Variants in FOXN2 observed in about 807,000 individuals in gnomAD.
FOXN2 encodes the protein forkhead box protein N2.
In FOXN2, 19 loss-of-function variants were observed where a neutral mutation model predicts 41.2. The observed-to-expected ratio is 0.46, with a 90% CI of 0.32 to 0.68. The LOEUF (loss-of-function observed/expected upper bound fraction) is 0.68. FOXN2 is among the 30% of genes least tolerant of loss of function. FOXN2 has a pLI of 0.03. For synonymous variants in FOXN2, 195 were observed against 176.8 expected (o/e 1.10, Z -0.82); for missense variants, 587 against 509.4 (o/e 1.15, Z -1.47).
chr2:48,325,123 G>T (rs1178256232), intron 1 of FOXN2, among the ~76,000 whole-genome samples: 1 of 152,090 alleles, frequency 6.6e-6, no homozygotes, highest in Non-Finnish European at 1.5e-5. Flanking sequence ...TTTGTTTTTG[G>T]TCTTTTGTAC....
At chr2:48,315,050 G>A (rs978454063) in intron 1 of FOXN2, among the ~76,000 whole-genome samples, 1 of 152,074 alleles carries the variant, frequency 6.6e-6, no homozygotes, top group Admixed American at 6.5e-5. Flanking sequence ...CGAACTGAGG[G>A]GAGTGTGGCT....
At chr2:48,353,335 A>T (rs1448093812) in intron 3 of FOXN2, among the ~76,000 whole-genome samples, 3 of 152,132 alleles carry the variant, frequency 2.0e-5, no homozygotes, top group Non-Finnish European at 4.4e-5. Context: ...CATTTTCGTA[A>T]TTCACTTTCA....
intron 2 of FOXN2, among the ~76,000 whole-genome samples, chr2:48,334,069 A>G (rs1037174905): frequency 5.9e-5 from 9 of 151,992 alleles, no homozygotes; most frequent in Non-Finnish European, 1.0e-4. Flanking sequence ...TAACTTAAAT[A>G]TAGCAATTTG....
chr2:48,359,931 T>C (rs935705029), intron 4 of FOXN2, among the ~76,000 whole-genome samples: 9 of 152,106 alleles, frequency 5.9e-5, no homozygotes, highest in African/African-American at 2.2e-4. Flanking sequence ...CATATGTAGG[T>C]TTCTTTTTCT....
At chr2:48,368,755 C>T (rs1672695595) in intron 5 of FOXN2, among the ~76,000 whole-genome samples, 1 of 152,168 alleles carries the variant, frequency 6.6e-6, no homozygotes, top group South Asian at 2.1e-4. Flanking sequence ...AATTTCTACC[C>T]AGAGAATTTT....
intron 2 of FOXN2, among the ~76,000 whole-genome samples, chr2:48,342,903 A>T (rs1378487341): frequency 6.6e-6 from 1 of 152,208 alleles, no homozygotes; most frequent in South Asian, 2.1e-4. Context: ...ACTCTTTGGC[A>T]TATTTTGCTG....
Position 48,377,736 on chromosome 2 carries a change from T to G in FOXN2, c.*2293T>G, listed in dbSNP as rs760146027. The G allele has an allele frequency of 7.2e-5, 11 of 152,088 alleles. No individual in the cohort carries two copies. Among genetic ancestry groups the G allele is most frequent in the Non-Finnish European group, 1.6e-4 (11 of 67,922 alleles). The allele number at this position is 152,088 out of a possible 1,614,324, so 9.4% of individuals were successfully genotyped here. ...AGGTTACACAATATTTTACAGTTTC[T>G]TAAACATAATTTAATGCATCACCTT... On this transcript the variant is annotated 3_prime_UTR_variant, in exon 7 of 7. Transcript: ENST00000340553.
intron 1 of FOXN2, among the ~76,000 whole-genome samples, chr2:48,322,389 G>A (rs900892336): frequency 6.6e-6 from 1 of 152,054 alleles, no homozygotes; most frequent in Non-Finnish European, 1.5e-5. Context: ...GTGTAACCCT[G>A]TCCTTTAAAA....
intron 2 of FOXN2, among the ~76,000 whole-genome samples, chr2:48,336,371 G>T (rs1264258830): frequency 6.7e-6 from 1 of 149,636 alleles, no homozygotes. Flanking sequence ...TTGTGCCACT[G>T]CACTCCAGCC....
chr2:48,343,924 C>T (rs1309912805), intron 2 of FOXN2, among the ~76,000 whole-genome samples: 1 of 152,062 alleles, frequency 6.6e-6, no homozygotes, highest in Non-Finnish European at 1.5e-5. Flanking sequence ...TTAGCCACTG[C>T]TGTTTGGTAC....
intron 1 of FOXN2, among the ~76,000 whole-genome samples, chr2:48,324,433 A>G: frequency 6.6e-6 from 1 of 152,166 alleles, no homozygotes; most frequent in East Asian, 1.9e-4. Flanking sequence ...ACCTCAAGTG[A>G]TTTGCCTGCC....
chr2:48,314,386 C>T (rs766685088), upstream of FOXN2, among the ~76,000 whole-genome samples: 1 of 152,252 alleles, frequency 6.6e-6, no homozygotes, highest in Non-Finnish European at 1.5e-5. Flanking sequence ...CCCGCACCGG[C>T]CTACAGCGCC....
Position 48,317,435 on chromosome 2 carries a change from C to T in FOXN2, c.-157+2621C>T, listed in dbSNP as rs558547069. Among the ~76,000 whole-genome samples, 13 of 145,136 alleles carry T rather than the reference C, an allele frequency of 9.0e-5. No individual in the cohort carries two copies. In the East Asian group the frequency reaches 1.2e-3, roughly 13 times the overall value. On this transcript the variant is annotated intron_variant, in intron 1 of 6. Coordinates refer to ENST00000340553, the MANE Select transcript of FOXN2 (RefSeq NM_002158.4). ...CTGCACTCCAGCCTGGGCAACGGGG[C>T]AAAACTCTGTCTCAAAAAAAAAAAA...
At chr2:48,374,691 A>C (rs983632320) in intron 6 of FOXN2, among the ~76,000 whole-genome samples, 1 of 152,216 alleles carries the variant, frequency 6.6e-6, no homozygotes, top group African/African-American at 2.4e-5. Context: ...TAAGCAATTC[A>C]AAATAGTTAC....
chr2:48,324,214 T>A (rs1473819430), intron 1 of FOXN2, among the ~76,000 whole-genome samples: 3 of 124,358 alleles, frequency 2.4e-5, no homozygotes, highest in Non-Finnish European at 5.3e-5. Context: ...TTTTTTTTTG[T>A]GACAGAGTTT....
intron 5 of FOXN2, among the ~76,000 whole-genome samples, chr2:48,365,533 T>C (rs1242464238): frequency 6.6e-6 from 1 of 152,236 alleles, no homozygotes; most frequent in Non-Finnish European, 1.5e-5. Flanking sequence ...AAATTCTTTC[T>C]TTCTTTGGGG....
intron 1 of FOXN2, among the ~76,000 whole-genome samples, chr2:48,321,461 G>A (rs1015106081): frequency 6.6e-6 from 1 of 152,118 alleles, no homozygotes; most frequent in Non-Finnish European, 1.5e-5. Context: ...GCCTGAACCC[G>A]GGAGGCAGAG....
At chr2:48,315,003 C>A (rs538144066) in intron 1 of FOXN2, among the ~76,000 whole-genome samples, 189 bp downstream of exon 1, 1 of 152,140 alleles carries the variant, frequency 6.6e-6, no homozygotes, top group East Asian at 1.9e-4. Context: ...GTGTCCCCGG[C>A]GCGCGTATCG....
chr2:48,340,957 G>A (rs1281143532), intron 2 of FOXN2: 1 of 152,104 alleles, frequency 6.6e-6, no homozygotes, highest in African/African-American at 2.4e-5. Context: ...TTTTTGGATA[G>A]CAGTGTCTTG....
Sources: gnomAD v4.1 joint callset for allele counts (sites outside exome capture counted in the v4.1 genomes callset) on GRCh38, gnomAD v4.1.1 for gene constraint, MANE v1.5 for transcripts, NCBI Gene and HGNC (gene_info 2026-07-23, HGNC 2026-07-21) for gene names.